LCLAT1: variants seen among roughly 807,000 people sequenced by gnomAD.
The protein encoded by LCLAT1 is 1-AGP acyltransferase 8.
Under a neutral mutation model 30.7 loss-of-function variants are expected in LCLAT1, and 11 were observed. The observed-to-expected ratio is 0.36, with a 90% CI of 0.23 to 0.59. The LOEUF (loss-of-function observed/expected upper bound fraction) is 0.59. LCLAT1 is among the 20% of genes least tolerant of loss of function. The pLI, the probability that LCLAT1 is intolerant of heterozygous loss-of-function variation, is 0.77. For synonymous variants in LCLAT1, 155 were observed against 151.3 expected, an observed-to-expected ratio of 1.02 and a Z score of -0.18; for missense variants, 402 against 458.6, an observed-to-expected ratio of 0.88 and a Z score of 1.13.
At chr2:30,465,429 C>T (rs1572480189) in intron 1 of LCLAT1, among the ~76,000 whole-genome samples, 1 of 152,074 alleles carries the variant, frequency 6.6e-6, no homozygotes, top group African/African-American at 2.4e-5. Flanking sequence ...TTTTTTTGGC[C>T]TCTAGGAGTG....
intron 1 of LCLAT1, among the ~76,000 whole-genome samples, chr2:30,480,012 A>G (rs1683245979): frequency 6.6e-6 from 1 of 152,190 alleles, no homozygotes; most frequent in African/African-American, 2.4e-5. Flanking sequence ...ATCCTTTTAT[A>G]CTGTATCTCA....
chr2:30,586,962 G>A (rs1424296962), intron 5 of LCLAT1, among the ~76,000 whole-genome samples: 1 of 152,146 alleles, frequency 6.6e-6, no homozygotes, highest in Admixed American at 6.5e-5. Flanking sequence ...TGGAAGAGCT[G>A]TTGATGAACT....
intron 5 of LCLAT1, among the ~76,000 whole-genome samples, chr2:30,581,127 A>T (rs1162642597): frequency 6.6e-6 from 1 of 152,164 alleles, no homozygotes; most frequent in Non-Finnish European, 1.5e-5. Flanking sequence ...GACCAAAACC[A>T]AGTTAAGAGC....
intron 5 of LCLAT1, among the ~76,000 whole-genome samples, chr2:30,574,781 G>A (rs1665923545): frequency 6.6e-6 from 1 of 151,216 alleles, no homozygotes; most frequent in Admixed American, 6.6e-5. Flanking sequence ...GTGTCATGAA[G>A]CGCTGCAGAG....
At chr2:30,465,297 G>A (rs549223720) in intron 1 of LCLAT1, among the ~76,000 whole-genome samples, 6 of 152,158 alleles carry the variant, frequency 3.9e-5, no homozygotes, top group African/African-American at 1.2e-4. Context: ...GAGTGTTAAC[G>A]GCCACAAGTC....
chr2:30,622,151 C>A (rs1045548873), intron 5 of LCLAT1, among the ~76,000 whole-genome samples: 1 of 152,060 alleles, frequency 6.6e-6, no homozygotes, highest in African/African-American at 2.4e-5. Context: ...TGTTCCCTGG[C>A]GACCTGTGTG....
intron 3 of LCLAT1, among the ~76,000 whole-genome samples, chr2:30,537,417 A>C (rs1319203207): frequency 1.3e-5 from 2 of 152,030 alleles, no homozygotes; most frequent in Non-Finnish European, 2.9e-5. Flanking sequence ...CTTCAAGTTA[A>C]AAAAAAGAAA....
intron 5 of LCLAT1, among the ~76,000 whole-genome samples, chr2:30,575,267 T>G (rs10175399): frequency 0.76 from 114,761 of 150,576 alleles, 44,202 homozygotes; most frequent in East Asian, 0.87. Flanking sequence ...CTTTTTTTTT[T>G]GTCCATCTCT....
chr2:30,577,410 T>C (rs1223607307), intron 5 of LCLAT1, among the ~76,000 whole-genome samples: 1 of 152,090 alleles, frequency 6.6e-6, no homozygotes, highest in African/African-American at 2.4e-5. Context: ...ATGGGGTAAA[T>C]TCCAAGGATT....
chr2:30,461,801 C>T (rs1448840882), intron 1 of LCLAT1, among the ~76,000 whole-genome samples: 20 of 117,516 alleles, frequency 1.7e-4, no homozygotes, highest in African/African-American at 5.1e-4. Flanking sequence ...GACGGAGTCT[C>T]GCTCTGTCGC....
chr2:30,538,089 G>T (rs1047444243), intron 3 of LCLAT1, among the ~76,000 whole-genome samples: 1 of 151,930 alleles, frequency 6.6e-6, no homozygotes, highest in East Asian at 1.9e-4. Context: ...AGTAGTAAGA[G>T]CGCAGCTTAT....
intron 1 of LCLAT1, among the ~76,000 whole-genome samples, chr2:30,472,896 T>G (rs1682867406): frequency 6.6e-6 from 1 of 152,180 alleles, no homozygotes; most frequent in Admixed American, 6.5e-5. Flanking sequence ...TAGATGAAAC[T>G]TTTAAGTCAC....
chr2:30,463,968 G>A (rs766133730), intron 1 of LCLAT1, among the ~76,000 whole-genome samples: 29 of 152,120 alleles, frequency 1.9e-4, no homozygotes, highest in Non-Finnish European at 3.7e-4. Context: ...GAGTACTTTT[G>A]TAGGATAGAT....
chr2:30,513,711 C>G (rs566994463), intron 1 of LCLAT1, among the ~76,000 whole-genome samples: 1 of 152,320 alleles, frequency 6.6e-6, no homozygotes, highest in East Asian at 1.9e-4. Flanking sequence ...AGTCACCCCT[C>G]TGCTAACTGA....
At chr2:30,525,080 A>G (rs954815588) in intron 1 of LCLAT1, among the ~76,000 whole-genome samples, 1 of 150,996 alleles carries the variant, frequency 6.6e-6, no homozygotes, top group African/African-American at 2.4e-5. Context: ...CTCTTTTTGG[A>G]GGTCAGATAT....
chr2:30,521,025 C>T (rs911006783), intron 1 of LCLAT1, among the ~76,000 whole-genome samples: 2 of 152,064 alleles, frequency 1.3e-5, no homozygotes, highest in African/African-American at 4.8e-5. Flanking sequence ...CCACAAAATT[C>T]GGGTCATAAA....
intron 5 of LCLAT1, 140 bp downstream of exon 5, chr2:30,568,316 G>T: frequency 3.8e-6 from 2 of 519,526 alleles, no homozygotes; most frequent in Admixed American, 3.8e-5. Flanking sequence ...ATTCCAAGTT[G>T]GCCTATGTAC....
chr2:30,616,606 A>G (rs559746013), intron 5 of LCLAT1, among the ~76,000 whole-genome samples: 2 of 152,260 alleles, frequency 1.3e-5, no homozygotes, highest in South Asian at 4.1e-4. Context: ...TCCTTTCTAG[A>G]TAGTAGCAAG....
At chr2:30,628,820 A>C (rs1287762564) in intron 5 of LCLAT1, among the ~76,000 whole-genome samples, 1 of 152,212 alleles carries the variant, frequency 6.6e-6, no homozygotes, top group Non-Finnish European at 1.5e-5. Context: ...CTTTCAGAGA[A>C]ATATAGGATA....
Sources: allele counts gnomAD v4.1 joint callset (sites outside exome capture counted in the v4.1 genomes callset), GRCh38; gene constraint gnomAD v4.1.1; transcripts MANE v1.5; gene names NCBI Gene and HGNC (gene_info 2026-07-23, HGNC 2026-07-21).